Variants in TSNARE1 observed in about 807,000 individuals in gnomAD.
The protein encoded by TSNARE1 is t-SNARE domain-containing protein 1.
A neutral mutation model predicts 62.0 loss-of-function variants in TSNARE1; 49 were observed. That is an observed-to-expected ratio of 0.79 (90% CI 0.63 to 1.00). TSNARE1 has a LOEUF of 1.00. TSNARE1 is among the 50% of genes least tolerant of loss of function. The pLI, the probability that TSNARE1 is intolerant of heterozygous loss-of-function variation, is 0.00. For synonymous variants in TSNARE1, 328 were observed against 294.4 expected (o/e 1.11, Z -1.17); for missense variants, 755 against 700.1 (o/e 1.08, Z -0.88).
intron 4 of TSNARE1, among the ~76,000 whole-genome samples, chr8:142,337,930 A>G (rs1831989385): frequency 2.6e-5 from 4 of 152,196 alleles, no homozygotes; most frequent in Admixed American, 2.0e-4. Context: ...CAACAATCCC[A>G]TGACTCTGGC....
intron 1 of TSNARE1, among the ~76,000 whole-genome samples, chr8:142,393,128 C>A (rs1044095745): frequency 1.1e-4 from 17 of 152,164 alleles, no homozygotes; most frequent in Non-Finnish European, 2.9e-5. Flanking sequence ...TGTGGGCCAT[C>A]CACACCGTGG....
chr8:142,307,751 A>C (rs1826923939), intron 9 of TSNARE1, among the ~76,000 whole-genome samples: 1 of 152,226 alleles, frequency 6.6e-6, no homozygotes, highest in African/African-American at 2.4e-5. Flanking sequence ...TGTTGGGCAG[A>C]ACTGCAAGAT....
intron 1 of TSNARE1, among the ~76,000 whole-genome samples, chr8:142,401,913 C>T (rs1196789158): frequency 6.6e-6 from 1 of 152,176 alleles, no homozygotes; most frequent in African/African-American, 2.4e-5. Context: ...TACTAACAAA[C>T]TTCAGCTTTC....
intron 11 of TSNARE1, among the ~76,000 whole-genome samples, 154 bp downstream of exon 11, chr8:142,284,259 G>C (rs1586540848): frequency 6.6e-6 from 1 of 152,054 alleles, no homozygotes; most frequent in Non-Finnish European, 1.5e-5. Context: ...CAGGGCAGGA[G>C]GGGAGGGAGC....
intron 11 of TSNARE1, chr8:142,275,923 T>C: frequency 1.0e-6 from 1 of 985,304 alleles, no homozygotes; most frequent in Non-Finnish European, 1.2e-6. Flanking sequence ...CAGCAAGGAC[T>C]CCCTACTCTC....
intron 12 of TSNARE1, chr8:142,247,926 A>C (rs1817971958): frequency 6.6e-6 from 1 of 152,302 alleles, no homozygotes; most frequent in Non-Finnish European, 1.5e-5. Context: ...ACGAGCTCGC[A>C]TGGGGGATAC....
intron 12 of TSNARE1, among the ~76,000 whole-genome samples, chr8:142,248,930 C>G (rs1446436980): frequency 6.6e-6 from 1 of 152,238 alleles, no homozygotes; most frequent in African/African-American, 2.4e-5. Context: ...CACTGCTGCG[C>G]CCACTACCCA....
At chr8:142,347,799 C>T (rs1833570807) in intron 2 of TSNARE1, among the ~76,000 whole-genome samples, 2 of 129,086 alleles carry the variant, frequency 1.5e-5, no homozygotes, top group South Asian at 3.1e-4. Flanking sequence ...GCCATCACCT[C>T]GCCACACTGC....
At chr8:142,256,055 TCAC>T (rs1563781938) in intron 12 of TSNARE1, among the ~76,000 whole-genome samples, 4 of 52,670 alleles carry the variant, frequency 7.6e-5, no homozygotes, top group African/African-American at 2.0e-4. Flanking sequence ...ACCGTCACCA[TCAC>T]CACCACCATC....
intron 1 of TSNARE1, among the ~76,000 whole-genome samples, chr8:142,376,560 C>T (rs576852248): frequency 6.6e-6 from 1 of 152,190 alleles, no homozygotes; most frequent in African/African-American, 2.4e-5. Context: ...CCAGAACCAC[C>T]CCTGCTGGCA....
chr8:142,233,556 G>T (rs1012006745), intron 12 of TSNARE1, among the ~76,000 whole-genome samples: 2 of 152,214 alleles, frequency 1.3e-5, no homozygotes, highest in African/African-American at 4.8e-5. Context: ...GGCCAGGAGG[G>T]GCCGGTGTGC....
At chr8:142,307,880 G>A (rs970463595) in intron 9 of TSNARE1, among the ~76,000 whole-genome samples, 3 of 152,194 alleles carry the variant, frequency 2.0e-5, no homozygotes, top group African/African-American at 7.2e-5. Context: ...GCCCACGCCC[G>A]GCTTTTGCAG....
intron 1 of TSNARE1, among the ~76,000 whole-genome samples, chr8:142,391,065 T>C (rs1587133220): frequency 7.2e-6 from 1 of 139,736 alleles, no homozygotes; most frequent in African/African-American, 2.8e-5. Context: ...CGCTGTACAC[T>C]GCGGGGGACT....
intron 10 of TSNARE1, 75 bp from the exon 11 acceptor site, chr8:142,284,560 T>C: frequency 7.8e-7 from 1 of 1,275,764 alleles, no homozygotes; most frequent in Non-Finnish European, 1.1e-6. Flanking sequence ...AAGTTTCCCA[T>C]GGAACCTGGG....
chr8:142,385,267 C>G (rs1263062812), intron 1 of TSNARE1, among the ~76,000 whole-genome samples: 1 of 152,198 alleles, frequency 6.6e-6, no homozygotes, highest in East Asian at 1.9e-4. Context: ...AGGGCTCCAG[C>G]AACATTCAAA....
At chr8:142,222,767 T>TTCACTCATCCACTCACTCAC (rs1563755994) in intron 13 of TSNARE1, among the ~76,000 whole-genome samples, 1 of 46,594 alleles carries the variant, frequency 2.1e-5, no homozygotes, top group Non-Finnish European at 3.6e-5. Context: ...CACTCACTCA[T>TTCACTCATCCACTCACTCAC]TCACTCATCC....
chr8:142,384,686 G>C (rs1370705196), intron 1 of TSNARE1, among the ~76,000 whole-genome samples: 1 of 152,144 alleles, frequency 6.6e-6, no homozygotes, highest in Non-Finnish European at 1.5e-5. Flanking sequence ...ATCGTGAAAT[G>C]TATCAAAAGC....
intron 1 of TSNARE1, among the ~76,000 whole-genome samples, chr8:142,374,966 C>G (rs769831989): frequency 6.6e-6 from 1 of 152,206 alleles, no homozygotes; most frequent in East Asian, 1.9e-4. Context: ...GGTGCCCAAG[C>G]ACCATTAGTT....
chr8:142,358,944 T>C (rs759396332), intron 1 of TSNARE1, among the ~76,000 whole-genome samples: 1 of 151,712 alleles, frequency 6.6e-6, no homozygotes, highest in Non-Finnish European at 1.5e-5. Flanking sequence ...CAGTGGCCCC[T>C]GTGCCCACAC....
Sources: allele counts gnomAD v4.1 joint callset (sites outside exome capture counted in the v4.1 genomes callset), GRCh38; gene constraint gnomAD v4.1.1; transcripts MANE v1.5; gene names NCBI Gene and HGNC (gene_info 2026-07-23, HGNC 2026-07-21).